The following PTPRD variants were observed in gnomAD, a reference collection of about 807,000 sequenced individuals.
The protein encoded by PTPRD is receptor-type tyrosine-protein phosphatase delta.
Under a neutral mutation model 214.5 loss-of-function variants are expected in PTPRD, and 34 were observed. That is an observed-to-expected ratio of 0.16 (90% CI 0.12 to 0.21). The LOEUF (loss-of-function observed/expected upper bound fraction) is 0.21, where lower values mean the gene tolerates loss of function less well. Ranked by LOEUF, PTPRD falls within the 10% of genes least tolerant of loss-of-function variation. The probability of loss-of-function intolerance (pLI) is 1.00; values close to 1 mark genes in which losing one functional copy is unlikely to be tolerated. For missense variants in PTPRD, 2,545 were observed against 2,398.7 expected (o/e 1.06, Z -1.27); for synonymous variants, 1,128 against 845.7 (o/e 1.33, Z -5.79).
chr9:8,451,764 T>G, intron 33 of PTPRD: 1 of 367,332 alleles, frequency 2.7e-6, no homozygotes, highest in East Asian at 8.6e-5. Context: ...ATGCATTTCT[T>G]TACTAATGTG....
At chr9:9,487,524 T>G (rs754368173) in intron 8 of PTPRD, among the ~76,000 whole-genome samples, 47 of 152,008 alleles carry the variant, frequency 3.1e-4, no homozygotes, top group Non-Finnish European at 5.3e-4. Flanking sequence ...TAAACATACA[T>G]GTGCATGTGT....
At chr9:9,366,312 C>T (rs2057877163) in intron 9 of PTPRD, among the ~76,000 whole-genome samples, 1 of 151,364 alleles carries the variant, frequency 6.6e-6, no homozygotes. Context: ...TTTATTTTCT[C>T]CTTTGAAAAG....
Position 8,953,561 on chromosome 9 carries a change from C to T in PTPRD, c.-104+65136G>A, listed in dbSNP as rs142700696. ...AATTATCAAGGGAGTAAACAGACAA[C>T]CTACAGAGTGGGAGAAGATGTTCAC... On this transcript the variant is annotated intron_variant, in intron 11 of 45. Transcript: ENST00000381196. Among the ~76,000 whole-genome samples, 42 of 152,066 alleles carry T rather than the reference C, an allele frequency of 2.8e-4. No homozygotes were observed. In the East Asian group the frequency reaches 7.5e-3, roughly 27 times the overall value.
intron 11 of PTPRD, among the ~76,000 whole-genome samples, chr9:9,003,215 C>G (rs541038406): frequency 1.3e-5 from 2 of 152,100 alleles, no homozygotes; most frequent in South Asian, 4.1e-4. Context: ...AAGTAACTGC[C>G]TCACCCTAGT....
chr9:9,145,338 A>C (rs964215111), intron 10 of PTPRD, among the ~76,000 whole-genome samples: 57 of 152,308 alleles, frequency 3.7e-4, no homozygotes, highest in African/African-American at 1.3e-3. Flanking sequence ...CTGCCATCAA[A>C]AAATTTCCTT....
intron 11 of PTPRD, among the ~76,000 whole-genome samples, chr9:8,919,865 G>A: frequency 6.6e-6 from 1 of 150,736 alleles, no homozygotes; most frequent in South Asian, 2.1e-4. Flanking sequence ...ATACATAGAT[G>A]TACATGCATG....
chr9:8,386,869 G>A (rs886111156), intron 37 of PTPRD, among the ~76,000 whole-genome samples: 2 of 152,184 alleles, frequency 1.3e-5, no homozygotes, highest in African/African-American at 4.8e-5. Flanking sequence ...GGAGGAAGAC[G>A]GAAGAGCAGA....
At chr9:8,675,719 A>G (rs535040289) in intron 12 of PTPRD, among the ~76,000 whole-genome samples, 2 of 152,068 alleles carry the variant, frequency 1.3e-5, no homozygotes, top group African/African-American at 4.8e-5. Flanking sequence ...AACATCTTAG[A>G]CAGATCTTAT....
chr9:8,640,333 G>A (rs922957374), intron 12 of PTPRD, among the ~76,000 whole-genome samples: 11 of 152,036 alleles, frequency 7.2e-5, no homozygotes, highest in African/African-American at 2.7e-4. Flanking sequence ...TGGGTGACAA[G>A]AGTGAAACTC....
intron 12 of PTPRD, among the ~76,000 whole-genome samples, chr9:8,659,455 C>CTAAATA (rs1383829036): frequency 1.3e-5 from 2 of 152,204 alleles, no homozygotes; most frequent in African/African-American, 4.8e-5. Flanking sequence ...TCAGTATTTT[C>CTAAATA]AAATACTACT....
intron 3 of PTPRD, among the ~76,000 whole-genome samples, chr9:10,126,157 C>A (rs1010130545): frequency 6.6e-6 from 1 of 152,122 alleles, no homozygotes; most frequent in African/African-American, 2.4e-5. Context: ...GATTGTGAAA[C>A]AAAGGTGGGC....
chr9:9,705,023 GT>G, intron 7 of PTPRD, among the ~76,000 whole-genome samples: 1 of 152,266 alleles, frequency 6.6e-6, no homozygotes, highest in Middle Eastern at 3.4e-3. Context: ...GAAGTTACAT[GT>G]TTTTTATATG....
chr9:8,844,986 T>C (rs116900393), intron 11 of PTPRD, among the ~76,000 whole-genome samples: 2,216 of 152,270 alleles, frequency 0.015, 26 homozygotes, highest in Non-Finnish European at 0.022. Flanking sequence ...TCCAGATCTC[T>C]AAAATTTGTC....
At chr9:8,497,162 G>C (rs1230927401) in intron 26 of PTPRD, 80 bp downstream of exon 26, 17 of 1,230,188 alleles carry the variant, frequency 1.4e-5, no homozygotes, top group Non-Finnish European at 1.7e-5. Flanking sequence ...TGTGATGACA[G>C]ATCACAAATA....
At chr9:8,742,283 G>C (rs1040045904) in intron 11 of PTPRD, among the ~76,000 whole-genome samples, 2 of 152,164 alleles carry the variant, frequency 1.3e-5, no homozygotes, top group Non-Finnish European at 1.5e-5. Context: ...GATGTTTGAA[G>C]TATATATAGT....
chr9:9,752,855 C>T (rs1336716042), intron 6 of PTPRD, among the ~76,000 whole-genome samples: 1 of 152,008 alleles, frequency 6.6e-6, no homozygotes, highest in African/African-American at 2.4e-5. Context: ...AATGCTGCTA[C>T]CTCAGATTGA....
intron 4 of PTPRD, among the ~76,000 whole-genome samples, chr9:10,017,860 G>A (rs2096755274): frequency 6.6e-6 from 1 of 151,972 alleles, no homozygotes; most frequent in African/African-American, 2.4e-5. Flanking sequence ...ATGTAAAATT[G>A]TAACCAACAC....
intron 3 of PTPRD, among the ~76,000 whole-genome samples, chr9:10,093,455 T>C (rs1168191553): frequency 6.6e-6 from 1 of 151,444 alleles, no homozygotes; most frequent in Non-Finnish European, 1.5e-5. Flanking sequence ...TGATAGATCC[T>C]GGCATGGCAG....
chr9:8,720,486 A>G (rs1456954655), intron 12 of PTPRD, among the ~76,000 whole-genome samples: 1 of 152,210 alleles, frequency 6.6e-6, no homozygotes, highest in South Asian at 2.1e-4. Flanking sequence ...TATTTTGGCC[A>G]TGATTTCCAA....
Sources: allele counts gnomAD v4.1 joint callset (sites outside exome capture counted in the v4.1 genomes callset), GRCh38; gene constraint gnomAD v4.1.1; transcripts MANE v1.5; gene names NCBI Gene and HGNC (gene_info 2026-07-23, HGNC 2026-07-21).